The following SNRK variants were observed in gnomAD, a reference collection of about 807,000 sequenced individuals.
SNRK encodes the protein SNF related kinase.
SNRK carries 3 observed loss-of-function variants against 48.2 expected under a neutral mutation model. That is an observed-to-expected ratio of 0.06 (90% CI 0.03 to 0.16). The LOEUF (loss-of-function observed/expected upper bound fraction) is 0.16, where lower values mean the gene tolerates loss of function less well. Among genes scored for constraint, SNRK ranks in the 10% least tolerant of loss-of-function variants. The probability of loss-of-function intolerance (pLI) is 1.00; values close to 1 mark genes in which losing one functional copy is unlikely to be tolerated. For synonymous variants in SNRK, 376 were observed against 366.1 expected (o/e 1.03, Z -0.31); for missense variants, 627 against 976.0 (o/e 0.64, Z 4.76).
Position 43,348,213 on chromosome 3 carries a change from C to T in SNRK, c.1954C>T (p.Leu652Phe), listed in dbSNP as rs959916241. ...ELVESLKLMSLCLGSQLHGST... is the reference protein window; with the variant it reads ...ELVESLKLMSFCLGSQLHGST... ...CGTTGAGAGCCTCAAACTCATGAGC[C>T]TCTGCCTCGGCTCCCAGCTTCATGG... is the stretch of plus-strand genomic sequence containing the variant. The change falls in exon 7 of 7, where the codon CTC (leucine) becomes TTC (phenylalanine). Residue 652 changes from leucine to phenylalanine, a missense_variant. By Grantham distance (22) the Leu-to-Phe change is conservative (BLOSUM62 0). Around this residue, in one of 4 missense-constraint regions of SNRK, gnomAD observed 207 missense variants for 234.3 expected, o/e 0.88. Coordinates refer to ENST00000296088, the MANE Select transcript of SNRK (RefSeq NM_017719.5). The T allele has an allele frequency of 1.2e-6, 2 of 1,609,902 alleles. No individual in the cohort carries two copies. The highest frequency in any genetic ancestry group is 1.1e-5 in the South Asian group (1 of 90,458).
chr3:43,325,550 C>G (rs1334554959), intron 3 of SNRK, among the ~76,000 whole-genome samples: 4 of 152,090 alleles, frequency 2.6e-5, no homozygotes, highest in Non-Finnish European at 5.9e-5. Flanking sequence ...TTGATGGACA[C>G]TCCAAATTTA....
chr3:43,303,145 T>G lies in SNRK; in HGVS notation c.-59T>G. 1 of 1,259,206 alleles carries G rather than the reference T, an allele frequency of 7.9e-7. No homozygotes were observed. The highest frequency in any genetic ancestry group is 1.1e-6 in the Non-Finnish European group (1 of 900,562). The allele number at this position is 1,259,206 out of a possible 1,614,324, so 78.0% of individuals were successfully genotyped here. On this transcript the variant is annotated 5_prime_UTR_variant, in exon 3 of 7. It adds an upstream start codon to the 5' untranslated region. Transcript: ENST00000296088. The surrounding 1 kb of genome is among the most constrained non-coding windows in gnomAD (Gnocchi z 6.2). ...TGAATTTTTTGTATTCACCAGATAT[T>G]CTTATATGAGAAGATCTATTTTAAA...
intron 3 of SNRK, among the ~76,000 whole-genome samples, chr3:43,305,843 A>G (rs892635996): frequency 2.6e-5 from 4 of 152,188 alleles, no homozygotes; most frequent in African/African-American, 9.7e-5. Context: ...TTAGGAGTAC[A>G]TGAACATGTA....
rs145464315 is a variant in SNRK, at chr3:43,290,927, C to T, written c.-169+4252C>T. Among the ~76,000 whole-genome samples the T allele has an allele frequency of 3.0e-3, 457 of 152,212 alleles. 4 individuals are homozygous for T. Among genetic ancestry groups the T allele is most frequent in the African/African-American group, 0.01 (435 of 41,528 alleles). On this transcript the variant is annotated intron_variant, in intron 1 of 6. Coordinates refer to ENST00000296088, the MANE Select transcript of SNRK (RefSeq NM_017719.5). ...TTAGTGGGGGACACAGATTATTAAC[C>T]ACACAGTCACACAAATAATTATATG...
chr3:43,287,211 A>G (rs1490105688), intron 1 of SNRK, among the ~76,000 whole-genome samples: 1 of 152,174 alleles, frequency 6.6e-6, no homozygotes, highest in Non-Finnish European at 1.5e-5. Flanking sequence ...AGAAAGGGCA[A>G]AGGGGTAAGG....
At chr3:43,289,323 G>C (rs1480611377) in intron 1 of SNRK, among the ~76,000 whole-genome samples, 1 of 152,130 alleles carries the variant, frequency 6.6e-6, no homozygotes, top group Non-Finnish European at 1.5e-5. Context: ...GTGGTGGGTG[G>C]GAGAAGAACA....
In SNRK at chr3:43,349,689, T is replaced by C. The variant is rs2091308191; in HGVS notation, c.*1132T>C. The stretch of plus-strand genomic sequence containing the variant: ...TGGAATTGTTTTTCACTTTGCCTTT[T>C]TCTGCCAAAACAATAATCAAAGAAC... On this transcript the variant is annotated 3_prime_UTR_variant, in exon 7 of 7. Coordinates refer to ENST00000296088, the MANE Select transcript of SNRK (RefSeq NM_017719.5). 6.6e-6 allele frequency: 1 copy of C among 152,280 alleles called. No homozygotes were observed. The allele number at this position is 152,280 out of a possible 1,614,324, so 9.4% of individuals were successfully genotyped here.
chr3:43,334,754 C>G (rs1233157703), intron 4 of SNRK, among the ~76,000 whole-genome samples: 1 of 151,996 alleles, frequency 6.6e-6, no homozygotes, highest in Non-Finnish European at 1.5e-5. Context: ...CCACCGTGCC[C>G]AGCTAATGTT....
intron 4 of SNRK, chr3:43,332,994 T>C (rs945647837): frequency 6.6e-6 from 1 of 152,194 alleles, no homozygotes; most frequent in African/African-American, 2.4e-5. Context: ...TTATAGCCAC[T>C]ACTTACAGGA....
intron 5 of SNRK, among the ~76,000 whole-genome samples, chr3:43,341,784 T>C (rs2091240020): frequency 6.6e-6 from 1 of 152,196 alleles, no homozygotes; most frequent in African/African-American, 2.4e-5. Context: ...ACATGCCCAC[T>C]GGGAGGCTCT....
In SNRK at chr3:43,347,302, A is replaced by G. The variant is rs1346842891; in HGVS notation, c.1080-37A>G. 6.6e-7 allele frequency: 1 copy of G among 1,519,148 alleles called. No homozygotes were observed. The highest frequency in any genetic ancestry group is 1.3e-5 in the South Asian group (1 of 75,884). The allele number at this position is 1,519,148 out of a possible 1,614,324, so 94.1% of individuals were successfully genotyped here. ...CTTTACTATCATCTGCATAATGATT[A>G]TATGGCTTTTTTCCCCCCAATCTAT... On this transcript the variant is annotated intron_variant, in intron 6 of 6. Coordinates refer to ENST00000296088, the MANE Select transcript of SNRK (RefSeq NM_017719.5). This position sits in a 1 kb window ranked among gnomAD's most constrained non-coding sequence, Gnocchi z 5.4.
intron 6 of SNRK, chr3:43,346,788 G>A (rs1256868988): frequency 6.6e-6 from 1 of 151,914 alleles, no homozygotes; most frequent in African/African-American, 2.4e-5. Flanking sequence ...TTTAATTGGA[G>A]AAGAGATTTT....
intron 1 of SNRK, among the ~76,000 whole-genome samples, chr3:43,288,546 T>C (rs2090785105): frequency 1.3e-5 from 2 of 152,220 alleles, no homozygotes; most frequent in South Asian, 4.1e-4. Context: ...TCATCTGAAC[T>C]TCACTGTGAG....
rs768269091 is a variant in SNRK, at chr3:43,348,564, C to T, written c.*7C>T. The T allele has an allele frequency of 3.9e-6, 6 of 1,522,066 alleles. No homozygotes were observed. The African/African-American group carries it at 5.6e-5, about 14-fold the overall frequency. 94.3% of individuals were successfully genotyped at this position (1,522,066 alleles called of 1,614,324 possible). A position where few individuals can be genotyped will look rare whatever the true frequency, so the allele number is the denominator to read the frequency against. ...CTGTTGCCATGTCATCTGACTGTGG[C>T]CCCATCTGGCCGCTAGCACGCTTCC... On this transcript the variant is annotated 3_prime_UTR_variant, in exon 7 of 7. Coordinates refer to ENST00000296088, the MANE Select transcript of SNRK (RefSeq NM_017719.5).
At chr3:43,333,358 C>CAAAAA (rs33994267) in intron 4 of SNRK, 5 of 62,310 alleles carry the variant, frequency 8.0e-5, no homozygotes, top group East Asian at 5.4e-4. Context: ...GACTCTGTCT[C>CAAAAA]AAAAAAAAAA....
At chr3:43,306,997 G>C (rs1363785215) in intron 3 of SNRK, among the ~76,000 whole-genome samples, 1 of 152,106 alleles carries the variant, frequency 6.6e-6, no homozygotes, top group Non-Finnish European at 1.5e-5. Flanking sequence ...TGTTCTTTAT[G>C]TGATTAAAAT....
chr3:43,300,953 G>T (rs76450468), intron 2 of SNRK, among the ~76,000 whole-genome samples: 2,018 of 152,368 alleles, frequency 0.013, 50 homozygotes, highest in African/African-American at 0.046. Flanking sequence ...GTGGGTTTCA[G>T]TCCCAGCTCT....
At chr3:43,315,736 C>T (rs931642448) in intron 3 of SNRK, among the ~76,000 whole-genome samples, 3 of 152,216 alleles carry the variant, frequency 2.0e-5, no homozygotes, top group Non-Finnish European at 4.4e-5. Context: ...GCACAAACTG[C>T]GTTGCAGCCT....
At chr3:43,294,009 A>T (rs1397574820) in intron 1 of SNRK, among the ~76,000 whole-genome samples, 1 of 152,156 alleles carries the variant, frequency 6.6e-6, no homozygotes, top group African/African-American at 2.4e-5. Flanking sequence ...GACTTTCCCC[A>T]TGAAATGTAG....
Sources: gnomAD v4.1 joint callset for allele counts (sites outside exome capture counted in the v4.1 genomes callset) on GRCh38, gnomAD v4.1.1 for gene constraint, gnomAD v4.1.1 regional missense constraint, Gnocchi (gnomAD v3.1) non-coding constraint, MANE v1.5 for transcripts, NCBI Gene and HGNC (gene_info 2026-07-23, HGNC 2026-07-21) for gene names.